ANOS1: variants seen among roughly 807,000 people sequenced by gnomAD.
ANOS1 encodes anosmin-1.
Under a neutral mutation model 59.0 loss-of-function variants are expected in ANOS1, and 6 were observed. The ratio of observed to expected loss-of-function variants is 0.10; its 90% CI spans 0.06 to 0.20. The LOEUF (loss-of-function observed/expected upper bound fraction) is 0.20, where lower values mean the gene tolerates loss of function less well. ANOS1 is among the 10% of genes least tolerant of loss of function. The pLI is 1.00. For missense variants in ANOS1, 433 were observed against 542.3 expected (o/e 0.80, Z 2.00); for synonymous variants, 217 against 223.4 (o/e 0.97, Z 0.25).
At chrX:8,624,006 CTTTTCTTTTT>C (rs1931344557) in intron 2 of ANOS1, among the ~76,000 whole-genome samples, 3 of 77,589 alleles carry the variant, frequency 3.9e-5, no homozygotes, top group African/African-American at 1.0e-4. Flanking sequence ...ATTTTCTTTT[CTTTTCTTTTT>C]TTTTTTTTTT....
chrX:8,728,189 G>A (rs1385706110), intron 1 of ANOS1, among the ~76,000 whole-genome samples: 2 of 111,801 alleles, frequency 1.8e-5, no homozygotes, highest in Non-Finnish European at 3.8e-5. Context: ...CTATTAACCC[G>A]GCTAAATCGT....
intron 2 of ANOS1, among the ~76,000 whole-genome samples, chrX:8,672,776 T>C (rs1393890205): frequency 8.9e-6 from 1 of 111,932 alleles, no homozygotes; most frequent in Non-Finnish European, 1.9e-5. Context: ...TCTCATCAAT[T>C]AGAGGATGTC....
chrX:8,626,786 G>A (rs1464419040), intron 2 of ANOS1, among the ~76,000 whole-genome samples: 2 of 104,160 alleles, frequency 1.9e-5, no homozygotes, highest in African/African-American at 3.5e-5. Context: ...GCGTGAACCC[G>A]AGAGGCGGAG....
intron 2 of ANOS1, among the ~76,000 whole-genome samples, chrX:8,679,338 T>C (rs1932384285): frequency 9.1e-6 from 1 of 110,239 alleles, no homozygotes; most frequent in Admixed American, 9.7e-5. Context: ...TTGTATGAGG[T>C]TCTCAGAGTA....
chrX:8,556,512 T>C (rs1018416348), intron 8 of ANOS1, among the ~76,000 whole-genome samples: 9 of 111,483 alleles, frequency 8.1e-5, no homozygotes, highest in African/African-American at 2.9e-4. Flanking sequence ...TGTGCAAAAA[T>C]CACAAGCATT....
chrX:8,648,884 A>G (rs746552506), intron 2 of ANOS1, among the ~76,000 whole-genome samples: 1 of 112,055 alleles, frequency 8.9e-6, no homozygotes, highest in Non-Finnish European at 1.9e-5. Context: ...GTTAAAGAAC[A>G]CTACCAGCAT....
chrX:8,693,888 T>A (rs145966082), intron 2 of ANOS1, among the ~76,000 whole-genome samples: 2,512 of 109,617 alleles, frequency 0.023, 159 homozygotes, highest in East Asian at 0.23. Context: ...CATGCCCAGA[T>A]AATTTTTGTA....
intron 3 of ANOS1, among the ~76,000 whole-genome samples, chrX:8,602,972 C>T (rs1385572193): frequency 9.0e-6 from 1 of 111,678 alleles, no homozygotes; most frequent in Non-Finnish European, 1.9e-5. Context: ...CTCCTGACCT[C>T]AAGTGATCTG....
intron 8 of ANOS1, among the ~76,000 whole-genome samples, chrX:8,561,271 A>G (rs1200000862): frequency 8.9e-6 from 1 of 111,941 alleles, no homozygotes; most frequent in Admixed American, 9.5e-5. Context: ...CAATGTGTGG[A>G]TAACTGAGAA....
intron 2 of ANOS1, among the ~76,000 whole-genome samples, chrX:8,697,489 T>C (rs1043836161): frequency 2.7e-5 from 3 of 111,218 alleles, no homozygotes; most frequent in Non-Finnish European, 5.7e-5. Flanking sequence ...CGGGTTGCTC[T>C]TGGATTCATC....
chrX:8,610,006 C>CAAA (rs1167209336), intron 3 of ANOS1, among the ~76,000 whole-genome samples: 86 of 8,896 alleles, frequency 9.7e-3, no homozygotes, highest in East Asian at 0.03. Flanking sequence ...GACTCCATCT[C>CAAA]AAAAAAAAAA....
intron 2 of ANOS1, among the ~76,000 whole-genome samples, chrX:8,660,091 C>G (rs1272047516): frequency 2.7e-5 from 3 of 110,899 alleles, no homozygotes; most frequent in Admixed American, 1.9e-4. Flanking sequence ...GCTTGACACC[C>G]ACTGAACACA....
Position 8,681,282 on chromosome X carries a change from T to C in ANOS1, c.255+18416A>G, listed in dbSNP as rs149207861. ...TAATGTCTTTTGTGCATTAAATTTA[T>C]AGGCCCCAATAACAGAACCCTGCAA... On this transcript the variant is annotated intron_variant, in intron 2 of 13. Transcript: ENST00000262648. Among the ~76,000 whole-genome samples, 366 of 112,236 alleles carry C rather than the reference T, an allele frequency of 3.3e-3. 1 individual carries two copies. The highest frequency in any genetic ancestry group is 0.011 in the African/African-American group (338 of 30,888).
chrX:8,558,578 C>T (rs1332333450), intron 8 of ANOS1, among the ~76,000 whole-genome samples: 1 of 111,241 alleles, frequency 9.0e-6, no homozygotes, highest in Non-Finnish European at 1.9e-5. Context: ...TAATATTTCT[C>T]ATTATAGATT....
chrX:8,710,460 G>A (rs141772572), intron 1 of ANOS1, among the ~76,000 whole-genome samples: 1,859 of 111,541 alleles, frequency 0.017, 40 homozygotes, highest in African/African-American at 0.057. Flanking sequence ...GACCCAACAA[G>A]TGATTCCAAA....
At chrX:8,559,077 C>T (rs1341138632) in intron 8 of ANOS1, among the ~76,000 whole-genome samples, 1 of 111,611 alleles carries the variant, frequency 9.0e-6, no homozygotes, top group Non-Finnish European at 1.9e-5. Flanking sequence ...CTGAGGGACT[C>T]CTGAAATACC....
chrX:8,696,897 T>C (rs1932692272), intron 2 of ANOS1, among the ~76,000 whole-genome samples: 1 of 112,467 alleles, frequency 8.9e-6, no homozygotes, highest in Non-Finnish European at 1.9e-5. Flanking sequence ...TGCTGGACAA[T>C]AGGCACTCTT....
chrX:8,693,046 G>A (rs2146894479), intron 2 of ANOS1, among the ~76,000 whole-genome samples: 1 of 112,482 alleles, frequency 8.9e-6, no homozygotes, highest in Non-Finnish European at 1.9e-5. Context: ...TTTTGACTCT[G>A]TGCTATGACT....
chrX:8,576,423 T>C (rs1930321864), intron 6 of ANOS1, among the ~76,000 whole-genome samples: 1 of 109,573 alleles, frequency 9.1e-6, no homozygotes, highest in Admixed American at 1.0e-4. Flanking sequence ...TTTAGAATTT[T>C]GAAATGTAGT....
Sources: gnomAD v4.1 joint callset for allele counts (sites outside exome capture counted in the v4.1 genomes callset) on GRCh38, gnomAD v4.1.1 for gene constraint, MANE v1.5 for transcripts, NCBI Gene and HGNC (gene_info 2026-07-23, HGNC 2026-07-21) for gene names.